GMFG: variants seen among roughly 807,000 people sequenced by gnomAD.
GMFG encodes the protein glia maturation factor gamma.
Under a neutral mutation model 26.1 loss-of-function variants are expected in GMFG, and 21 were observed. That is an observed-to-expected ratio of 0.80 (90% CI 0.57 to 1.16). GMFG has a LOEUF of 1.16. GMFG is among the 50% of genes most tolerant of loss of function. GMFG has a pLI of 0.00. For synonymous variants in GMFG, 65 were observed against 60.8 expected (o/e 1.07, Z -0.32); for missense variants, 161 against 178.3 (o/e 0.90, Z 0.55).
At position 39,333,066 on chromosome 19, in the gene GMFG, C is replaced by A; in HGVS notation, c.200+11G>T. ...CATGGCCTGATCCAACCCTTTCTTC[C>A]CCCAGGATACCTGGGCTGTCTCTCC... is the stretch of plus-strand genomic sequence containing the variant. On this transcript the variant is annotated intron_variant, in intron 4 of 6. Transcript: ENST00000597595. The A allele has an allele frequency of 6.3e-7, 1 of 1,589,274 alleles. No homozygotes were observed.
At chr19:39,329,715 G>C in intron 4 of GMFG, 89 bp from the exon 5 acceptor site, 1 of 828,822 alleles carries the variant, frequency 1.2e-6, no homozygotes, top group Non-Finnish European at 2.1e-6. Flanking sequence ...TGAAATGTTG[G>C]CTGAGTCTGA....
chr19:39,333,129 G>A lies in GMFG; in HGVS notation c.151-3C>T. ...TTGAGCTCCTCTGGGGAAATGTTCT[G>A]AGGCAAGAAAACAGAAGAAAAGACA... On this transcript the variant is annotated splice_region_variant and splice_polypyrimidine_tract_variant and intron_variant, in intron 3 of 6. Coordinates refer to ENST00000597595, the MANE Select transcript of GMFG (RefSeq NM_004877.4). 6.3e-7 allele frequency: 1 copy of A among 1,582,070 alleles called. No individual in the cohort carries two copies. The highest frequency in any genetic ancestry group is 1.1e-5 in the South Asian group (1 of 90,252).
intron 3 of GMFG, among the ~76,000 whole-genome samples, chr19:39,334,654 G>C (rs924754755): frequency 4.6e-5 from 7 of 151,934 alleles, no homozygotes; most frequent in African/African-American, 1.7e-4. Flanking sequence ...TCACCTTATT[G>C]AGCACATACT....
Position 39,335,422 on chromosome 19 carries a change from A to C in GMFG, c.100+13T>G. 1 of 1,601,944 alleles carries C rather than the reference A, an allele frequency of 6.2e-7. No homozygotes were observed. Among genetic ancestry groups the C allele is most frequent in the Non-Finnish European group, 8.6e-7 (1 of 1,168,896 alleles). ...CGCCCTCCCATCCTTCTGTGGGGGA[A>C]GATGTCACTCACTTATGATGGCTGC... On this transcript the variant is annotated intron_variant, in intron 2 of 6. Coordinates refer to ENST00000597595, the MANE Select transcript of GMFG (RefSeq NM_004877.4).
At chr19:39,333,659 C>T (rs1343782093) in intron 3 of GMFG, among the ~76,000 whole-genome samples, 1 of 151,448 alleles carries the variant, frequency 6.6e-6, no homozygotes, top group Non-Finnish European at 1.5e-5. Flanking sequence ...CTATGAAACA[C>T]ACATGGATTA....
chr19:39,334,481 T>C (rs897771996), intron 3 of GMFG, among the ~76,000 whole-genome samples: 1 of 151,730 alleles, frequency 6.6e-6, no homozygotes, highest in African/African-American at 2.4e-5. Flanking sequence ...TTGCCCAGGC[T>C]GGTCTTAAAC....
Position 39,329,539 on chromosome 19 carries a change from C to T in GMFG, c.283+5G>A, listed in dbSNP as rs2075217742. The T allele has an allele frequency of 1.3e-6, 2 of 1,554,728 alleles. No homozygotes were observed. The highest frequency in any genetic ancestry group is 1.1e-5 in the South Asian group (1 of 89,692). ...TCTCCTGAGGACAGTAGAGCTGTGT[C>T]TCACCCACAGGGCTGGAGAAGATGA... On this transcript the variant is annotated splice_donor_5th_base_variant and intron_variant, in intron 5 of 6. Coordinates refer to ENST00000597595, the MANE Select transcript of GMFG (RefSeq NM_004877.4).
At chr19:39,330,253 C>T (rs930364690) in intron 4 of GMFG, among the ~76,000 whole-genome samples, 2 of 151,580 alleles carry the variant, frequency 1.3e-5, no homozygotes, top group African/African-American at 4.9e-5. Flanking sequence ...CGTGTAAGTT[C>T]TCACCCCCTA....
chr19:39,329,437 C>T, intron 5 of GMFG, 107 bp downstream of exon 5: 1 of 717,920 alleles, frequency 1.4e-6, no homozygotes, highest in Non-Finnish European at 2.6e-6. Context: ...CAGGCTGTCA[C>T]ATGCTCACAC....
chr19:39,328,930 C>A, intron 6 of GMFG, 70 bp downstream of exon 6: 1 of 1,073,068 alleles, frequency 9.3e-7, no homozygotes, highest in Non-Finnish European at 1.5e-6. Context: ...GGACTCTAGT[C>A]CCTCTTCCCT....
rs749800500 is a variant in GMFG, at chr19:39,335,471, G to A, written c.64C>T (p.Arg22Cys). The A allele has an allele frequency of 3.0e-5, 48 of 1,613,576 alleles. No homozygotes were observed. The highest frequency in any genetic ancestry group is 5.3e-5 in the African/African-American group (4 of 74,870). ...GCATTGTCTGTCTCTTTTCGGAAGCGGAATTTCCTCAGCTTTTCTGTTAGC... is the reference window on the plus strand; with the variant it reads ...GCATTGTCTGTCTCTTTTCGGAAGCAGAATTTCCTCAGCTTTTCTGTTAGC... Reference protein sequence around the residue: ...PELTEKLRKFRFRKETDNAAI... With the variant: ...PELTEKLRKFCFRKETDNAAI... Residue 22 changes from arginine to cysteine, a missense_variant, in exon 2 of 7, where the codon CGC (arginine) becomes TGC (cysteine). Physicochemically the swap from Arg to Cys is radical, Grantham distance 180 (BLOSUM62 -3). Transcript: ENST00000597595.
chr19:39,328,465 C>T lies in GMFG; in HGVS notation c.*12G>A, dbSNP rs776799285. ...GACTCAGACATCAGGAATTCAGTCC[C>T]CAGCCCAGAGATCAACGAAAGAAAG... On this transcript the variant is annotated 3_prime_UTR_variant, in exon 7 of 7. Coordinates refer to ENST00000597595, the MANE Select transcript of GMFG (RefSeq NM_004877.4). 9 of 1,592,448 alleles carry T rather than the reference C, an allele frequency of 5.7e-6. No homozygotes were observed. The Admixed American group carries it at 1.5e-4, about 27-fold the overall frequency.
chr19:39,335,184 C>G, intron 3 of GMFG, 77 bp downstream of exon 3: 2 of 1,160,946 alleles, frequency 1.7e-6, no homozygotes, highest in Non-Finnish European at 2.5e-6. Context: ...ATGCCAGGCT[C>G]TTCATATCAG....
chr19:39,333,520 C>T (rs2075235715), intron 3 of GMFG, among the ~76,000 whole-genome samples: 1 of 143,490 alleles, frequency 7.0e-6, no homozygotes, highest in Admixed American at 7.4e-5. Context: ...GCGGAGGTTG[C>T]AGTGAATCAA....
intron 3 of GMFG, among the ~76,000 whole-genome samples, chr19:39,334,003 T>G (rs1190365387): frequency 2.0e-5 from 3 of 149,418 alleles, no homozygotes; most frequent in African/African-American, 4.9e-5. Flanking sequence ...TTTTTTTTTT[T>G]GTAGAGATGG....
intron 5 of GMFG, 22 bp from the exon 6 acceptor site, chr19:39,329,095 G>C (rs368207127): frequency 7.0e-6 from 11 of 1,577,338 alleles, no homozygotes; most frequent in Non-Finnish European, 9.6e-6. Flanking sequence ...AGAGGAGAAA[G>C]GCACATCAGT....
At chr19:39,328,937 C>T (rs2075214741) in intron 6 of GMFG, 63 bp downstream of exon 6, 5 of 1,155,308 alleles carry the variant, frequency 4.3e-6, no homozygotes, top group Non-Finnish European at 6.6e-6. Flanking sequence ...AGTCCCTCTT[C>T]CCTCAGACCC....
At position 39,328,555 on chromosome 19, in the gene GMFG, A is replaced by C; in HGVS notation, c.358-7T>G. The C allele has an allele frequency of 6.2e-7, 1 of 1,605,970 alleles. No individual in the cohort carries two copies. Among genetic ancestry groups the C allele is most frequent in the Non-Finnish European group, 8.5e-7 (1 of 1,172,876 alleles). On this transcript the variant is annotated splice_polypyrimidine_tract_variant and splice_region_variant and intron_variant, in intron 6 of 6. Transcript: ENST00000597595. ...TGGTGCGGATTTCGAACACCTGGGCAGAGAGAGGTCTCGGCATTATGATCT... is the reference window on the plus strand; with the variant it reads ...TGGTGCGGATTTCGAACACCTGGGCCGAGAGAGGTCTCGGCATTATGATCT...
intron 1 of GMFG, 62 bp from the exon 2 acceptor site, chr19:39,335,593 A>C (rs1600494369): frequency 4.6e-6 from 5 of 1,097,976 alleles, no homozygotes; most frequent in Non-Finnish European, 2.8e-6. Flanking sequence ...CCTTCCCCAA[A>C]CCTGTTTCTC....
Sources: allele counts gnomAD v4.1 joint callset (sites outside exome capture counted in the v4.1 genomes callset), GRCh38; gene constraint gnomAD v4.1.1; transcripts MANE v1.5; gene names NCBI Gene and HGNC (gene_info 2026-07-23, HGNC 2026-07-21).